GFRA1: variants seen among roughly 807,000 people sequenced by gnomAD.
The protein encoded by GFRA1 is GDNF family receptor alpha-1.
GFRA1 carries 16 observed loss-of-function variants against 51.6 expected under a neutral mutation model. The ratio of observed to expected loss-of-function variants is 0.31; its 90% CI spans 0.21 to 0.47. The LOEUF is 0.47. Among genes scored for constraint, GFRA1 ranks in the 20% least tolerant of loss-of-function variants. GFRA1 has a pLI of 1.00. For missense variants in GFRA1, 530 were observed against 594.3 expected (o/e 0.89, Z 1.13); for synonymous variants, 270 against 241.3 (o/e 1.12, Z -1.10).
chr10:116,120,622 A>G (rs1377722881), intron 6 of GFRA1, among the ~76,000 whole-genome samples: 1 of 152,202 alleles, frequency 6.6e-6, no homozygotes, highest in Non-Finnish European at 1.5e-5. Flanking sequence ...AAAGAGAAGC[A>G]TTCAATTCTA....
intron 9 of GFRA1, among the ~76,000 whole-genome samples, chr10:116,077,306 G>A (rs747360041): frequency 1.3e-5 from 2 of 152,200 alleles, no homozygotes; most frequent in Non-Finnish European, 2.9e-5. Flanking sequence ...GCTTAATTGA[G>A]AGGGCATCTG....
chr10:116,181,161 G>A (rs943748155), intron 5 of GFRA1, among the ~76,000 whole-genome samples: 6 of 152,180 alleles, frequency 3.9e-5, no homozygotes, highest in Admixed American at 6.5e-5. Flanking sequence ...GTATAATAAG[G>A]TGCTTGTGAT....
intron 8 of GFRA1, among the ~76,000 whole-genome samples, chr10:116,090,450 A>AAAC (rs1374883498): frequency 1.3e-5 from 2 of 151,458 alleles, no homozygotes; most frequent in Non-Finnish European, 2.9e-5. Context: ...AAAAAAAAAA[A>AAAC]AAAACTACCC....
In GFRA1 at chr10:116,089,856, T is replaced by C. The variant is rs754185246; in HGVS notation, c.1082A>G (p.Gln361Arg). The C allele has an allele frequency of 3.1e-6, 5 of 1,613,932 alleles. No individual in the cohort carries two copies. Among genetic ancestry groups the C allele is most frequent in the Non-Finnish European group, 4.2e-6 (5 of 1,179,978 alleles). Residue 361 changes from glutamine (Q) to arginine (R), a missense_variant, in exon 9 of 11, where the codon CAG (glutamine) becomes CGG (arginine). Coordinates refer to ENST00000355422, the MANE Select transcript of GFRA1 (RefSeq NM_005264.8). ...AGTGGTGGTAGTGGCAGTGGTGGTC[T>C]GTACTGGGAAGGCTGGCTGCCACAC... ...VTVWQPAFPV[Q>R]TTTATTTTAL...
chr10:116,149,367 C>T (rs750619672), intron 5 of GFRA1, among the ~76,000 whole-genome samples: 1 of 152,180 alleles, frequency 6.6e-6, no homozygotes, highest in Non-Finnish European at 1.5e-5. Flanking sequence ...TAGCCCCCCA[C>T]AGCTTTAACA....
intron 8 of GFRA1, among the ~76,000 whole-genome samples, chr10:116,091,526 C>T (rs1291606386): frequency 6.6e-6 from 1 of 152,184 alleles, no homozygotes; most frequent in Non-Finnish European, 1.5e-5. Flanking sequence ...GTGAAAGCCA[C>T]TGATATCTAA....
chr10:116,167,364 C>A (rs1029629721), intron 5 of GFRA1, among the ~76,000 whole-genome samples: 15 of 152,062 alleles, frequency 9.9e-5, no homozygotes, highest in African/African-American at 3.6e-4. Context: ...CTCCTTGGAA[C>A]AACTCTAACA....
At chr10:116,254,677 A>C (rs1020767258) in intron 4 of GFRA1, among the ~76,000 whole-genome samples, 5 of 152,200 alleles carry the variant, frequency 3.3e-5, no homozygotes, top group Non-Finnish European at 7.3e-5. Context: ...ATCCCAAAAA[A>C]TGCTCCTGGG....
intron 5 of GFRA1, among the ~76,000 whole-genome samples, chr10:116,159,090 T>C (rs1420409612): frequency 6.6e-6 from 1 of 152,212 alleles, no homozygotes; most frequent in Non-Finnish European, 1.5e-5. Context: ...CCTGGCTATA[T>C]TCAACTATGG....
intron 5 of GFRA1, among the ~76,000 whole-genome samples, chr10:116,180,103 C>A (rs1962061094): frequency 6.6e-6 from 1 of 152,214 alleles, no homozygotes; most frequent in Admixed American, 6.5e-5. Context: ...GCAAATATTT[C>A]TTTCTGAACA....
At chr10:116,271,248 C>A in intron 2 of GFRA1, 133 bp from the exon 3 acceptor site, 1 of 670,050 alleles carries the variant, frequency 1.5e-6, no homozygotes, top group Non-Finnish European at 2.5e-6. Context: ...GGGAGCGGGT[C>A]CACCTCTCGA....
intron 9 of GFRA1, among the ~76,000 whole-genome samples, chr10:116,081,615 A>G (rs917092051): frequency 6.6e-6 from 1 of 152,000 alleles, no homozygotes; most frequent in Admixed American, 6.5e-5. Flanking sequence ...TGACCTTCTG[A>G]GGTTACTGTG....
chr10:116,071,472 C>T (rs537328457), intron 9 of GFRA1, among the ~76,000 whole-genome samples: 1 of 152,174 alleles, frequency 6.6e-6, no homozygotes, highest in East Asian at 1.9e-4. Context: ...ATAGCTCAGA[C>T]AGGTTGGGCT....
chr10:116,241,875 A>G (rs1478877282), intron 4 of GFRA1, among the ~76,000 whole-genome samples: 1 of 152,234 alleles, frequency 6.6e-6, no homozygotes, highest in Non-Finnish European at 1.5e-5. Flanking sequence ...AAGGCAGCAC[A>G]TAGTAGCCAA....
chr10:116,177,651 C>T (rs1029250397), intron 5 of GFRA1, among the ~76,000 whole-genome samples: 83 of 152,266 alleles, frequency 5.5e-4, no homozygotes, highest in African/African-American at 1.9e-3. Flanking sequence ...GCAGGATGTA[C>T]CATCGAGGAG....
At chr10:116,205,380 A>G (rs879487420) in intron 5 of GFRA1, among the ~76,000 whole-genome samples, 1 of 152,038 alleles carries the variant, frequency 6.6e-6, no homozygotes, top group Non-Finnish European at 1.5e-5. Context: ...GATCAAGACC[A>G]TCTCGCCAAC....
intron 6 of GFRA1, among the ~76,000 whole-genome samples, chr10:116,115,042 G>GA (rs1957358304): frequency 6.6e-6 from 1 of 152,180 alleles, no homozygotes; most frequent in African/African-American, 2.4e-5. Flanking sequence ...CTGGGGAAGG[G>GA]AAAACAATCC....
At chr10:116,164,958 AG>A (rs1359818828) in intron 5 of GFRA1, among the ~76,000 whole-genome samples, 2 of 152,164 alleles carry the variant, frequency 1.3e-5, no homozygotes, top group Non-Finnish European at 2.9e-5. Flanking sequence ...GTTCTTTTTA[AG>A]TATGTAACCA....
rs77730201 is a variant in GFRA1, at chr10:116,125,461, G to A, written c.530C>T (p.Pro177Leu). The A allele has an allele frequency of 2.2e-5, 35 of 1,613,944 alleles. No homozygotes were observed. Among genetic ancestry groups the A allele is most frequent in the Non-Finnish European group, 2.9e-5 (34 of 1,179,916 alleles). ...ATCGTTGGACACGCTGGTGGTGCAC[G>A]GGGTGATGTACGCCGACCTGTACTT... is the stretch of plus-strand genomic sequence containing the variant. ...CKKYRSAYITPCTTSVSNDVC... is the reference protein window; with the variant it reads ...CKKYRSAYITLCTTSVSNDVC... The change falls in exon 6 of 11, where the codon CCG (proline) becomes CTG (leucine). Residue 177 changes from proline (P) to leucine (L), a missense_variant. Transcript: ENST00000355422.
Sources: gnomAD v4.1 joint callset for allele counts (sites outside exome capture counted in the v4.1 genomes callset) on GRCh38, gnomAD v4.1.1 for gene constraint, MANE v1.5 for transcripts, NCBI Gene and HGNC (gene_info 2026-07-23, HGNC 2026-07-21) for gene names.